Variants in ADAMTS2 observed in about 807,000 individuals in gnomAD.
ADAMTS2 encodes the protein A disintegrin and metalloproteinase with thrombospondin motifs 2.
In ADAMTS2, 50 loss-of-function variants were observed where a neutral mutation model predicts 123.0. That is an observed-to-expected ratio of 0.41 (90% CI 0.32 to 0.51). ADAMTS2 has a LOEUF of 0.51. Among genes scored for constraint, ADAMTS2 ranks in the 20% least tolerant of loss-of-function variants. The probability of loss-of-function intolerance (pLI) is 0.35; values close to 1 mark genes in which losing one functional copy is unlikely to be tolerated. For synonymous variants in ADAMTS2, 678 were observed against 695.4 expected (o/e 0.98, Z 0.39); for missense variants, 1,494 against 1,705.2 (o/e 0.88, Z 2.18).
At chr5:179,150,983 GCCTCCTGGGCT>G (rs1477569921) in intron 10 of ADAMTS2, 2 of 190,426 alleles carry the variant, frequency 1.1e-5, no homozygotes, top group Non-Finnish European at 2.3e-5. Flanking sequence ...CGCAACCTCC[GCCTCCTGGGCT>G]CAAACGATTT....
chr5:179,122,816 G>C (rs1762788524), intron 19 of ADAMTS2, 43 bp from the exon 20 acceptor site: 2 of 1,550,754 alleles, frequency 1.3e-6, no homozygotes, highest in South Asian at 1.2e-5. Flanking sequence ...CTCCCACACA[G>C]GGCCCGCACT....
Position 179,344,136 on chromosome 5 carries a change from C to G in ADAMTS2, c.165G>C (p.Glu55Asp), listed in dbSNP as rs1581300233. 6.2e-7 allele frequency: 1 copy of G among 1,603,720 alleles called. No individual in the cohort carries two copies. Among genetic ancestry groups the G allele is most frequent in the Non-Finnish European group, 8.5e-7 (1 of 1,175,786 alleles). ...TGCGCACGGGCACCGCCAGGATGCG[C>G]TCCGCTCCGTGCCCCAGGGGCCCGC... ...PPGGPLGHGA[E>D]RILAVPVRTD... The change falls in exon 2 of 22, where the codon GAG (glutamate) becomes GAC (aspartate). Residue 55 changes from glutamate to aspartate, a missense_variant. Physicochemically the swap from Glu to Asp is conservative, Grantham distance 45 (BLOSUM62 2). Around this residue, in one of 6 missense-constraint regions of ADAMTS2, gnomAD observed 237 missense variants for 233.7 expected, o/e 1.01. Coordinates refer to ENST00000251582, the MANE Select transcript of ADAMTS2 (RefSeq NM_014244.5).
intron 18 of ADAMTS2, among the ~76,000 whole-genome samples, chr5:179,125,728 G>A (rs764407000): frequency 6.6e-6 from 1 of 152,258 alleles, no homozygotes; most frequent in Non-Finnish European, 1.5e-5. Flanking sequence ...TACAGGGCCA[G>A]GAGGCGAGCC....
At chr5:179,322,811 C>A (rs1330664144) in intron 2 of ADAMTS2, among the ~76,000 whole-genome samples, 1 of 152,226 alleles carries the variant, frequency 6.6e-6, no homozygotes, top group Non-Finnish European at 1.5e-5. Context: ...CGGGGCCTGA[C>A]GGTACCAGGG....
At chr5:179,190,104 G>C (rs1764271757) in intron 4 of ADAMTS2, among the ~76,000 whole-genome samples, 2 of 152,206 alleles carry the variant, frequency 1.3e-5, no homozygotes, top group Non-Finnish European at 2.9e-5. Context: ...TATATGTGCA[G>C]GTCACAGGGG....
intron 3 of ADAMTS2, among the ~76,000 whole-genome samples, chr5:179,237,349 G>C (rs538598382): frequency 2.0e-5 from 3 of 152,332 alleles, no homozygotes; most frequent in East Asian, 3.9e-4. Flanking sequence ...TGAAGACAAA[G>C]TGCAAGAAGG....
rs570699280 is a variant in ADAMTS2 at position 179,116,915 on chromosome 5, A to G, written c.3179-2591T>C. ...CTCCCTGACACTGAGCCCAAGAACC[A>G]TGCTCACAGTGCCAAGGAGGAAGGG... is the stretch of plus-strand genomic sequence containing the variant. On this transcript the variant is annotated intron_variant, in intron 21 of 21. Transcript: ENST00000251582. Among the ~76,000 whole-genome samples, 4 of 152,256 alleles carry G rather than the reference A, an allele frequency of 2.6e-5. No homozygotes were observed. In the South Asian group the frequency reaches 8.3e-4, roughly 32 times the overall value.
At chr5:179,328,534 A>T (rs765757631) in intron 2 of ADAMTS2, among the ~76,000 whole-genome samples, 2 of 152,246 alleles carry the variant, frequency 1.3e-5, no homozygotes, top group African/African-American at 2.4e-5. Context: ...AACCATGGGT[A>T]TCAAGTGGTT....
chr5:179,264,622 A>G (rs1766315038), intron 3 of ADAMTS2, among the ~76,000 whole-genome samples: 1 of 152,206 alleles, frequency 6.6e-6, no homozygotes, highest in Admixed American at 6.5e-5. Context: ...CATTCCCAAC[A>G]CAGATCCAAG....
At position 179,197,924 on chromosome 5, in the gene ADAMTS2, C is replaced by T. The variant is rs1764465732; in HGVS notation, c.891+9589G>A. Among the ~76,000 whole-genome samples, 1 of 152,202 alleles carries T rather than the reference C, an allele frequency of 6.6e-6. No individual in the cohort carries two copies. Among genetic ancestry groups the T allele is most frequent in the African/African-American group, 2.4e-5 (1 of 41,442 alleles). On this transcript the variant is annotated intron_variant, in intron 4 of 21. Coordinates refer to ENST00000251582, the MANE Select transcript of ADAMTS2 (RefSeq NM_014244.5). This position sits in a 1 kb window ranked among gnomAD's most constrained non-coding sequence, Gnocchi z 4.2. ...CACTCTTTAGGGGTGCCCAGGCCCA[C>T]ACACATGGCCACAGCATCTGGTTTG...
intron 3 of ADAMTS2, among the ~76,000 whole-genome samples, chr5:179,239,786 G>A (rs985069662): frequency 2.0e-5 from 3 of 152,160 alleles, no homozygotes; most frequent in African/African-American, 4.8e-5. Flanking sequence ...GGAAGAGGAA[G>A]GATCAGCAAA....
At chr5:179,335,023 A>G (rs559538076) in intron 2 of ADAMTS2, among the ~76,000 whole-genome samples, 2 of 152,338 alleles carry the variant, frequency 1.3e-5, no homozygotes, top group South Asian at 4.1e-4. Flanking sequence ...TTTACTATCA[A>G]TCAAATTCAC....
At chr5:179,267,916 G>C (rs537226208) in intron 3 of ADAMTS2, among the ~76,000 whole-genome samples, 84 of 152,334 alleles carry the variant, frequency 5.5e-4, no homozygotes, top group Admixed American at 1.6e-3. Flanking sequence ...CCTGAGGCCT[G>C]GTCCTTTCGC....
At chr5:179,121,564 T>G in intron 21 of ADAMTS2, 97 bp downstream of exon 21, 4 of 1,026,134 alleles carry the variant, frequency 3.9e-6, no homozygotes, top group Non-Finnish European at 5.6e-6. Context: ...TCAGGGGAGC[T>G]TTCCATAGAC....
At chr5:179,153,732 C>T in intron 8 of ADAMTS2, 109 bp from the exon 9 acceptor site, 2 of 1,436,036 alleles carry the variant, frequency 1.4e-6, no homozygotes, top group Non-Finnish European at 1.9e-6. Context: ...CCTACCTGCA[C>T]ATCCCGGCCC....
At chr5:179,207,051 G>C (rs1561805053) in intron 4 of ADAMTS2, among the ~76,000 whole-genome samples, 1 of 152,208 alleles carries the variant, frequency 6.6e-6, no homozygotes, top group Non-Finnish European at 1.5e-5. Context: ...AGGGGCTTCT[G>C]TTTGGAGCGA....
intron 4 of ADAMTS2, among the ~76,000 whole-genome samples, chr5:179,195,262 G>A (rs1445573864): frequency 6.6e-6 from 1 of 152,182 alleles, no homozygotes; most frequent in Non-Finnish European, 1.5e-5. Context: ...GTGCTCTACT[G>A]AGCACTTTCC....
chr5:179,207,791 C>T lies in ADAMTS2; in HGVS notation c.689-76G>A, dbSNP rs753957768. 3.0e-4 allele frequency: 402 copies of T among 1,339,090 alleles called. 1 individual carries two copies. Among genetic ancestry groups the T allele is most frequent in the Non-Finnish European group, 3.2e-4 (302 of 949,320 alleles). The allele number at this position is 1,339,090 out of a possible 1,614,324, so 83.0% of individuals were successfully genotyped here. ...CAAACCTACCAGGCGCCAGCTTGGC[C>T]ATCCTCTCATTTAAAACTCATAGCA... is the stretch of plus-strand genomic sequence containing the variant. On this transcript the variant is annotated intron_variant, in intron 3 of 21. Coordinates refer to ENST00000251582, the MANE Select transcript of ADAMTS2 (RefSeq NM_014244.5).
At position 179,281,059 on chromosome 5, in the gene ADAMTS2, T is replaced by C. The variant is rs184027964; in HGVS notation, c.535-7995A>G. Among the ~76,000 whole-genome samples, 801 of 152,320 alleles carry C rather than the reference T, an allele frequency of 5.3e-3. 3 individuals are homozygous for C. Among genetic ancestry groups the C allele is most frequent in the Non-Finnish European group, 8.7e-3 (591 of 68,026 alleles). ...TTCTAGTAGAGATGGGGTTTCACCATGTTGGCCAGGCTGGTCTCAAACTCC... is the reference window on the plus strand; with the variant it reads ...TTCTAGTAGAGATGGGGTTTCACCACGTTGGCCAGGCTGGTCTCAAACTCC... On this transcript the variant is annotated intron_variant, in intron 2 of 21. Transcript: ENST00000251582.
Sources: gnomAD v4.1 joint callset for allele counts (sites outside exome capture counted in the v4.1 genomes callset) on GRCh38, gnomAD v4.1.1 for gene constraint, gnomAD v4.1.1 regional missense constraint, Gnocchi (gnomAD v3.1) non-coding constraint, MANE v1.5 for transcripts, NCBI Gene and HGNC (gene_info 2026-07-23, HGNC 2026-07-21) for gene names.